The following WDR20 variants were observed in gnomAD, a reference collection of about 807,000 sequenced individuals.
WDR20 encodes the protein WD repeat domain 20, also known as WD repeat-containing protein 20.
WDR20 carries 3 observed loss-of-function variants against 38.7 expected under a neutral mutation model. The ratio of observed to expected loss-of-function variants is 0.08; its 90% confidence interval spans 0.04 to 0.20. The LOEUF (loss-of-function observed/expected upper bound fraction) is 0.20, where lower values mean the gene tolerates loss of function less well. Among genes scored for constraint, WDR20 ranks in the 10% least tolerant of loss-of-function variants. The probability of loss-of-function intolerance (pLI) is 1.00; values close to 1 mark genes in which losing one functional copy is unlikely to be tolerated. For missense variants in WDR20, 559 were observed against 727.7 expected (o/e 0.77, Z 2.67); for synonymous variants, 298 against 285.6 (o/e 1.04, Z -0.44).
chr14:102,157,088 C>T (rs544819129), intron 1 of WDR20, among the ~76,000 whole-genome samples: 1 of 151,906 alleles, frequency 6.6e-6, no homozygotes, highest in African/African-American at 2.4e-5. Flanking sequence ...ACTGTGAGAC[C>T]CCCATCTCTG....
In WDR20 at chr14:102,209,938, G is replaced by A; in HGVS notation, c.*58G>A. 6.6e-7 allele frequency: 1 copy of A among 1,523,470 alleles called. No individual in the cohort carries two copies. The highest frequency in any genetic ancestry group is 8.8e-7 in the Non-Finnish European group (1 of 1,142,522). 94.4% of individuals were successfully genotyped at this position (1,523,470 alleles called of 1,614,324 possible). On this transcript the variant is annotated 3_prime_UTR_variant, in exon 3 of 3. Coordinates refer to ENST00000342702, the MANE Select transcript of WDR20 (RefSeq NM_144574.4). The surrounding 1 kb of genome is among the most constrained non-coding windows in gnomAD (Gnocchi z 6.0). ...TGACTTTTTTCTTTTTCGTGGGAGGGGTGGGGTGTACAATGAATGTGAATG... is the reference window on the plus strand; with the variant it reads ...TGACTTTTTTCTTTTTCGTGGGAGGAGTGGGGTGTACAATGAATGTGAATG...
At chr14:102,143,742 A>C (rs955445558) in intron 1 of WDR20, among the ~76,000 whole-genome samples, 11 of 151,748 alleles carry the variant, frequency 7.2e-5, no homozygotes, top group Non-Finnish European at 1.3e-4. Context: ...ATGGGGTTTC[A>C]TCATATTGGC....
At chr14:102,206,491 C>G (rs1259951209) in intron 2 of WDR20, among the ~76,000 whole-genome samples, 1 of 152,222 alleles carries the variant, frequency 6.6e-6, no homozygotes, top group African/African-American at 2.4e-5. Flanking sequence ...TACTCCTAAC[C>G]GTGCTGCTAG....
At chr14:102,157,978 G>C (rs903758657) in intron 1 of WDR20, among the ~76,000 whole-genome samples, 28 of 152,044 alleles carry the variant, frequency 1.8e-4, no homozygotes, top group African/African-American at 6.5e-4. Flanking sequence ...TCATCAGATT[G>C]TATCAGTGCT....
intron 2 of WDR20, among the ~76,000 whole-genome samples, chr14:102,206,756 G>C (rs1456370509): frequency 6.6e-6 from 1 of 152,174 alleles, no homozygotes; most frequent in Non-Finnish European, 1.5e-5. Flanking sequence ...TTGTGTTTGT[G>C]GGATCAAGAG....
chr14:102,165,966 C>G (rs1470288230), intron 1 of WDR20, among the ~76,000 whole-genome samples: 1 of 151,626 alleles, frequency 6.6e-6, no homozygotes, highest in African/African-American at 2.4e-5. Context: ...TTTTTATTCT[C>G]TCCTTAATCT....
downstream of WDR20, among the ~76,000 whole-genome samples, chr14:102,224,234 G>T (rs2064157084): frequency 6.6e-6 from 1 of 151,916 alleles, no homozygotes; most frequent in Non-Finnish European, 1.5e-5. Context: ...TAGAGATGGG[G>T]TTTCACCATG....
downstream of WDR20, among the ~76,000 whole-genome samples, chr14:102,218,296 C>G (rs927010727): frequency 6.6e-6 from 1 of 152,208 alleles, no homozygotes; most frequent in African/African-American, 2.4e-5. Context: ...ATCCACATCC[C>G]ACAGCTGTCT....
intron 1 of WDR20, among the ~76,000 whole-genome samples, chr14:102,153,890 T>G (rs1340632741): frequency 2.6e-5 from 4 of 152,232 alleles, no homozygotes; most frequent in Admixed American, 6.5e-5. Flanking sequence ...ATATCACTCT[T>G]TTAAATACCC....
chr14:102,191,906 T>C (rs1192757614), intron 1 of WDR20, among the ~76,000 whole-genome samples: 1 of 152,178 alleles, frequency 6.6e-6, no homozygotes, highest in Non-Finnish European at 1.5e-5. Context: ...GATACTTTTG[T>C]AAAATAAAAA....
In WDR20 at chr14:102,222,587, C is replaced by G. The variant is rs2064031236; in HGVS notation, c.1693-243C>G. Reference sequence around the variant, plus strand: ...CCCCAAGGGCAAGGCCAGCCCTGCCCGCCCTTCTCTTGGACGGTATTGAGG... The same window carrying G: ...CCCCAAGGGCAAGGCCAGCCCTGCCGGCCCTTCTCTTGGACGGTATTGAGG... On this transcript the variant is annotated intron_variant, in intron 3 of 3. Transcript: ENST00000335263. This position sits in a 1 kb window ranked among gnomAD's most constrained non-coding sequence, Gnocchi z 4.4. Among the ~76,000 whole-genome samples, 1 of 152,208 alleles carries G rather than the reference C, an allele frequency of 6.6e-6. No homozygotes were observed. Among genetic ancestry groups the G allele is most frequent in the Admixed American group, 6.5e-5 (1 of 15,286 alleles).
downstream of WDR20, among the ~76,000 whole-genome samples, chr14:102,215,920 C>T (rs962641961): frequency 6.6e-6 from 1 of 152,212 alleles, no homozygotes; most frequent in African/African-American, 2.4e-5. Flanking sequence ...GGCCTACCCC[C>T]CTGCCTGAGG....
intron 1 of WDR20, among the ~76,000 whole-genome samples, chr14:102,148,559 T>C (rs938109432): frequency 6.7e-6 from 1 of 150,068 alleles, no homozygotes; most frequent in Non-Finnish European, 1.5e-5. Context: ...AAAAAAATCA[T>C]AATCCTCATT....
chr14:102,162,712 C>T (rs938647434), intron 1 of WDR20, among the ~76,000 whole-genome samples: 1 of 152,108 alleles, frequency 6.6e-6, no homozygotes, highest in Admixed American at 6.5e-5. Flanking sequence ...CTCCTGGGCT[C>T]AAGCCAGCCT....
intron 1 of WDR20, among the ~76,000 whole-genome samples, chr14:102,174,823 A>G (rs925326511): frequency 6.6e-6 from 1 of 152,036 alleles, no homozygotes; most frequent in African/African-American, 2.4e-5. Context: ...GCATTTTTTC[A>G]TATGTTTACT....
At position 102,208,737 on chromosome 14, in the gene WDR20, C is replaced by T; in HGVS notation, c.567C>T (p.His189=). ...ACACTTGTGGCACCACAGCCCCCCA[C>T]TACCAGCTTCTGAAGCAGGGAGAGA... ...VEHTCGTTAP[H]YQLLKQGESF... is the part of the protein sequence containing the mutation. The change falls in exon 3 of 3, where the codon CAC becomes CAT. Residue 189 remains histidine (H), a synonymous_variant. Transcript: ENST00000342702. The surrounding 1 kb of genome is among the most constrained non-coding windows in gnomAD (Gnocchi z 5.6). 2.5e-6 allele frequency: 4 copies of T among 1,614,240 alleles called. No individual in the cohort carries two copies. Among genetic ancestry groups the T allele is most frequent in the Non-Finnish European group, 3.4e-6 (4 of 1,180,046 alleles).
chr14:102,201,664 G>T (rs2060410398), intron 2 of WDR20, among the ~76,000 whole-genome samples: 1 of 152,234 alleles, frequency 6.6e-6, no homozygotes, highest in Non-Finnish European at 1.5e-5. Context: ...CATCCCCACA[G>T]AGCACTGGCC....
At chr14:102,214,159 G>A, downstream of WDR20, 2 of 985,638 alleles carry the variant, frequency 2.0e-6, no homozygotes, top group Non-Finnish European at 2.4e-6. Context: ...GTAGGGGTCG[G>A]GTGACCTGGA....
chr14:102,197,933 G>A lies in WDR20; in HGVS notation c.432+2813G>A, dbSNP rs1050956187. Reference sequence around the variant, plus strand: ...CTACCTACCACATGCCCAGCACTGGGTCTGCAGCAGTGGGCAAAACCTGCC... The same window carrying A: ...CTACCTACCACATGCCCAGCACTGGATCTGCAGCAGTGGGCAAAACCTGCC... On this transcript the variant is annotated intron_variant, in intron 2 of 2. Coordinates refer to ENST00000342702, the MANE Select transcript of WDR20 (RefSeq NM_144574.4). 3.7e-5 allele frequency: 23 copies of A among 620,426 alleles called. No homozygotes were observed. The African/African-American group carries it at 3.8e-4, about 10-fold the overall frequency. 38.4% of individuals were successfully genotyped at this position (620,426 alleles called of 1,614,324 possible).
Sources: allele counts gnomAD v4.1 joint callset (sites outside exome capture counted in the v4.1 genomes callset), GRCh38; gene constraint gnomAD v4.1.1; non-coding constraint Gnocchi (gnomAD v3.1); transcripts MANE v1.5; gene names NCBI Gene and HGNC (gene_info 2026-07-23, HGNC 2026-07-21).